Variants in DNAI7 observed in about 807,000 individuals in gnomAD.
DNAI7 encodes cancer susceptibility 1.
DNAI7 carries 78 observed loss-of-function variants against 86.6 expected under a neutral mutation model. The ratio of observed to expected loss-of-function variants is 0.90; its 90% CI spans 0.75 to 1.09. DNAI7 has a LOEUF of 1.09. Among genes scored for constraint, DNAI7 ranks in the 50% least tolerant of loss-of-function variants. The pLI is 0.00. For missense variants in DNAI7, 753 were observed against 810.2 expected, an observed-to-expected ratio of 0.93 and a Z score of 0.86; for synonymous variants, 274 against 273.0, an observed-to-expected ratio of 1.00 and a Z score of -0.04.
At chr12:25,155,939 G>A (rs556528582) in intron 4 of DNAI7, among the ~76,000 whole-genome samples, 28 of 152,120 alleles carry the variant, frequency 1.8e-4, no homozygotes, top group African/African-American at 5.8e-4. Flanking sequence ...ACACCATCTC[G>A]ACCAAAAATA....
At chr12:25,182,804 G>C (rs1354729575) in intron 2 of DNAI7, among the ~76,000 whole-genome samples, 1 of 146,124 alleles carries the variant, frequency 6.8e-6, no homozygotes, top group Non-Finnish European at 1.5e-5. Context: ...CACGTCTGTG[G>C]TCCCAGCTAC....
intron 2 of DNAI7, among the ~76,000 whole-genome samples, chr12:25,183,118 C>T (rs555223968): frequency 6.6e-6 from 1 of 151,916 alleles, no homozygotes; most frequent in Non-Finnish European, 1.5e-5. Flanking sequence ...AGGCCATTAC[C>T]CTAAGTGAAT....
downstream of DNAI7, chr12:25,107,875 A>G (rs376324017): frequency 6.2e-7 from 1 of 1,614,138 alleles, no homozygotes; most frequent in Non-Finnish European, 8.5e-7. Flanking sequence ...AAAGGCTAAT[A>G]AGGCCCTCTG....
intron 1 of DNAI7, chr12:25,194,800 T>G (rs1565867991): frequency 1.4e-6 from 2 of 1,417,380 alleles, no homozygotes; most frequent in Non-Finnish European, 9.7e-7. Context: ...GGGACCAATT[T>G]TCAAGCTTAG....
At position 25,161,132 on chromosome 12, in the gene DNAI7, C is replaced by T; in HGVS notation, c.87G>A (p.Glu29=). The change falls in exon 3 of 16, where the codon GAG becomes GAA. Residue 29 remains glutamate (E), a synonymous_variant. Coordinates refer to ENST00000395987, the MANE Select transcript of DNAI7 (RefSeq NM_018272.5). The part of the protein sequence containing the change: ...ERLKLLQEEE[E]RRLKEEEEAR... ...TTGTACCTTCCTCTTTCAGTCGTCT[C>T]TCCTCCTCCTCTTGTAGCAGCTTCA... 1.2e-6 allele frequency: 2 copies of T among 1,609,002 alleles called. No homozygotes were observed. Among genetic ancestry groups the T allele is most frequent in the Admixed American group, 1.7e-5 (1 of 59,984 alleles).
At chr12:25,172,339 C>A (rs551169527) in intron 2 of DNAI7, among the ~76,000 whole-genome samples, 1 of 152,176 alleles carries the variant, frequency 6.6e-6, no homozygotes, top group South Asian at 2.1e-4. Context: ...AAGAGCTCAA[C>A]TCCTTTTACA....
intron 8 of DNAI7, among the ~76,000 whole-genome samples, 198 bp downstream of exon 8, chr12:25,146,803 A>C (rs971239293): frequency 4.6e-5 from 7 of 152,204 alleles, no homozygotes; most frequent in African/African-American, 1.7e-4. Flanking sequence ...CATTTTACTG[A>C]TGATATACTG....
downstream of DNAI7, chr12:25,107,130 T>C: frequency 1.6e-6 from 1 of 634,510 alleles, no homozygotes; most frequent in Non-Finnish European, 2.6e-6. Flanking sequence ...TTAATCCTAA[T>C]CAAATTACTA....
At chr12:25,126,104 A>C (rs1352009480) in intron 9 of DNAI7, among the ~76,000 whole-genome samples, 2 of 152,096 alleles carry the variant, frequency 1.3e-5, no homozygotes, top group Non-Finnish European at 2.9e-5. Flanking sequence ...ATCCTCCCCC[A>C]AAAAGGGTGG....
intron 2 of DNAI7, among the ~76,000 whole-genome samples, chr12:25,181,708 T>C (rs1012389670): frequency 6.7e-6 from 1 of 149,966 alleles, no homozygotes; most frequent in Non-Finnish European, 1.5e-5. Flanking sequence ...CATTAAAAAG[T>C]GGGGAAAGGA....
intron 2 of DNAI7, among the ~76,000 whole-genome samples, chr12:25,177,362 C>G (rs1949072394): frequency 6.6e-6 from 1 of 152,154 alleles, no homozygotes; most frequent in Non-Finnish European, 1.5e-5. Context: ...CTGTCACTCA[C>G]CATTCTACTT....
intron 2 of DNAI7, among the ~76,000 whole-genome samples, chr12:25,182,738 C>T (rs527602098): frequency 3.3e-5 from 5 of 151,754 alleles, no homozygotes; most frequent in African/African-American, 1.2e-4. Context: ...GCCTGGGCAA[C>T]ATAGAATGAT....
intron 2 of DNAI7, among the ~76,000 whole-genome samples, chr12:25,190,355 C>T (rs756729763): frequency 6.6e-6 from 1 of 151,930 alleles, no homozygotes; most frequent in African/African-American, 2.4e-5. Context: ...ACAAAAAGCC[C>T]CAAATCTAGA....
At chr12:25,109,404 G>A (rs1304430755) in intron 15 of DNAI7, among the ~76,000 whole-genome samples, 1 of 149,218 alleles carries the variant, frequency 6.7e-6, no homozygotes, top group South Asian at 2.1e-4. Context: ...TTTTTTTTAA[G>A]AGATGGGGGT....
At chr12:25,122,611 AAACT>A (rs1374688023) in intron 10 of DNAI7, among the ~76,000 whole-genome samples, 5 of 152,212 alleles carry the variant, frequency 3.3e-5, no homozygotes, top group African/African-American at 1.2e-4. Flanking sequence ...TATAAATCTC[AAACT>A]AAAAGATTGA....
At chr12:25,171,223 T>C (rs1168513378) in intron 2 of DNAI7, among the ~76,000 whole-genome samples, 3 of 152,126 alleles carry the variant, frequency 2.0e-5, no homozygotes, top group Non-Finnish European at 4.4e-5. Flanking sequence ...TGATAGATCA[T>C]TAATAAGATT....
chr12:25,182,329 A>G (rs1198029503), intron 2 of DNAI7, among the ~76,000 whole-genome samples: 13 of 149,212 alleles, frequency 8.7e-5, no homozygotes, highest in Admixed American at 5.3e-4. Flanking sequence ...CCTGGGCAAC[A>G]AGAGCGAAAC....
intron 6 of DNAI7, among the ~76,000 whole-genome samples, chr12:25,150,415 T>C (rs1030033567): frequency 5.4e-4 from 82 of 151,810 alleles, no homozygotes; most frequent in African/African-American, 1.6e-3. Context: ...CTATCCTGGC[T>C]AACACAGTGA....
downstream of DNAI7, among the ~76,000 whole-genome samples, chr12:25,107,643 C>T (rs1212093274): frequency 6.6e-6 from 1 of 152,242 alleles, no homozygotes; most frequent in African/African-American, 2.4e-5. Flanking sequence ...CTAATAGGTA[C>T]AAAGGGTGGG....
Sources: gnomAD v4.1 joint callset for allele counts (sites outside exome capture counted in the v4.1 genomes callset) on GRCh38, gnomAD v4.1.1 for gene constraint, MANE v1.5 for transcripts, NCBI Gene and HGNC (gene_info 2026-07-23, HGNC 2026-07-21) for gene names.